ADCY3: variants seen among roughly 807,000 people sequenced by gnomAD.
The protein encoded by ADCY3 is adenylate cyclase type 3.
A neutral mutation model predicts 119.4 loss-of-function variants in ADCY3; 70 were observed. That is an observed-to-expected ratio of 0.59 (90% CI 0.48 to 0.72). ADCY3 has a LOEUF of 0.72. Ranked by LOEUF, ADCY3 falls within the 30% of genes least tolerant of loss-of-function variation. The pLI, the probability that ADCY3 is intolerant of heterozygous loss-of-function variation, is 0.00. For missense variants in ADCY3, 1,238 were observed against 1,541.6 expected (o/e 0.80, Z 3.30); for synonymous variants, 672 against 621.4 (o/e 1.08, Z -1.21).
intron 2 of ADCY3, among the ~76,000 whole-genome samples, chr2:24,880,747 G>C (rs981311949): frequency 2.6e-5 from 4 of 152,154 alleles, no homozygotes; most frequent in African/African-American, 9.7e-5. Context: ...TGGGCATGGT[G>C]GCTCACGCCT....
intron 2 of ADCY3, among the ~76,000 whole-genome samples, chr2:24,911,574 TG>T (rs1663649177): frequency 6.9e-6 from 1 of 145,046 alleles, no homozygotes; most frequent in Admixed American, 7.2e-5. Flanking sequence ...TGCTTGAACC[TG>T]GGAAGCGGAG....
Position 24,853,548 on chromosome 2 carries a change from C to T in ADCY3, c.826-11164G>A, listed in dbSNP as rs530117388. 1.1e-3 allele frequency among the ~76,000 whole-genome samples: 165 copies of T among 148,648 alleles called. 1 individual carries two copies. Among genetic ancestry groups the T allele is most frequent in the Middle Eastern group, 0.011 (3 of 282 alleles). ...GCAATGGTGCGACCTCGGCTCACTG[C>T]AAGCTCCGCCTCCCAGGTTCAAGTG... On this transcript the variant is annotated intron_variant, in intron 3 of 21. Coordinates refer to ENST00000679454, the MANE Select transcript of ADCY3 (RefSeq NM_004036.5).
chr2:24,864,723 T>A (rs1364185280), intron 3 of ADCY3, among the ~76,000 whole-genome samples: 1 of 152,206 alleles, frequency 6.6e-6, no homozygotes, highest in Non-Finnish European at 1.5e-5. Flanking sequence ...GGGCAGTTAT[T>A]GTTTAATGGG....
At chr2:24,848,970 C>T (rs1387496573) in intron 3 of ADCY3, among the ~76,000 whole-genome samples, 1 of 152,148 alleles carries the variant, frequency 6.6e-6, no homozygotes, top group Non-Finnish European at 1.5e-5. Context: ...CCCCCCGCCA[C>T]GTGTGCATTC....
At chr2:24,822,174 G>A (rs992821754) in intron 19 of ADCY3, 14 of 217,992 alleles carry the variant, frequency 6.4e-5, no homozygotes, top group East Asian at 2.1e-4. Context: ...ACAGGCTGCC[G>A]TCAGCCAGAG....
At chr2:24,874,138 A>C (rs779338529) in intron 2 of ADCY3, among the ~76,000 whole-genome samples, 2 of 152,166 alleles carry the variant, frequency 1.3e-5, no homozygotes, top group Non-Finnish European at 2.9e-5. Flanking sequence ...CTGAGGATCA[A>C]CCACCACCAC....
chr2:24,856,810 G>A (rs1673051316), intron 3 of ADCY3, among the ~76,000 whole-genome samples: 1 of 152,228 alleles, frequency 6.6e-6, no homozygotes, highest in African/African-American at 2.4e-5. Flanking sequence ...ACTCCAAAGA[G>A]CTTGGATGGG....
At chr2:24,894,584 T>C (rs1678048118) in intron 2 of ADCY3, among the ~76,000 whole-genome samples, 3 of 152,230 alleles carry the variant, frequency 2.0e-5, no homozygotes, top group Admixed American at 6.5e-5. Flanking sequence ...TGCTTCTATG[T>C]ATGTTCTAAA....
chr2:24,881,671 C>G (rs1267388336), intron 2 of ADCY3, among the ~76,000 whole-genome samples: 1 of 152,218 alleles, frequency 6.6e-6, no homozygotes, highest in Non-Finnish European at 1.5e-5. Flanking sequence ...GTGTGAACAG[C>G]TACAGTGGTA....
chr2:24,831,107 G>C (rs1669434563), intron 12 of ADCY3, among the ~76,000 whole-genome samples: 1 of 152,084 alleles, frequency 6.6e-6, no homozygotes, highest in African/African-American at 2.4e-5. Context: ...GCCAGGGCAG[G>C]AACAGTTTTC....
chr2:24,861,075 A>G (rs1351129213), intron 3 of ADCY3, among the ~76,000 whole-genome samples: 1 of 152,090 alleles, frequency 6.6e-6, no homozygotes, highest in Non-Finnish European at 1.5e-5. Context: ...ACATGGTGAA[A>G]CCCCGTCTGT....
At chr2:24,832,501 T>TGTA in intron 11 of ADCY3, among the ~76,000 whole-genome samples, 1 of 152,286 alleles carries the variant, frequency 6.6e-6, no homozygotes, top group East Asian at 1.9e-4. Context: ...ACCTGTTCTC[T>TGTA]ATACCCTCTG....
At position 24,918,293 on chromosome 2, in the gene ADCY3, G is replaced by C. The variant is rs754729408; in HGVS notation, c.675+20C>G. 3.9e-6 allele frequency: 6 copies of C among 1,531,552 alleles called. No individual in the cohort carries two copies. Among genetic ancestry groups the C allele is most frequent in the Non-Finnish European group, 4.4e-6 (5 of 1,140,718 alleles). The allele number at this position is 1,531,552 out of a possible 1,614,324, so 94.9% of individuals were successfully genotyped here. A position where few individuals can be genotyped will look rare whatever the true frequency, so the allele number is the denominator to read the frequency against. ...AGCTGCAGGAGAGGACGCTGTGGGG[G>C]GACAGTGGGCAGGACTCACCTCCCG... On this transcript the variant is annotated intron_variant, in intron 2 of 21. Coordinates refer to ENST00000679454, the MANE Select transcript of ADCY3 (RefSeq NM_004036.5). This position sits in a 1 kb window ranked among gnomAD's most constrained non-coding sequence, Gnocchi z 5.4.
rs566801426 is a variant in ADCY3 at position 24,831,851 on chromosome 2, A to C, written c.1968-102T>G. 6.6e-4 allele frequency: 295 copies of C among 447,112 alleles called. 1 individual carries two copies. Among genetic ancestry groups the C allele is most frequent in the African/African-American group, 6.0e-3 (264 of 43,814 alleles). 27.7% of individuals were successfully genotyped at this position (447,112 alleles called of 1,614,324 possible). A position where few individuals can be genotyped will look rare whatever the true frequency, so the allele number is the denominator to read the frequency against. Reference sequence around the variant, plus strand: ...CGGGGATGGGGGCAGGGGCCAGGGGACAGCGGACAGGGGGCAGGGGACAGT... The same window carrying C: ...CGGGGATGGGGGCAGGGGCCAGGGGCCAGCGGACAGGGGGCAGGGGACAGT... On this transcript the variant is annotated intron_variant, in intron 11 of 21. Coordinates refer to ENST00000679454, the MANE Select transcript of ADCY3 (RefSeq NM_004036.5).
intron 3 of ADCY3, among the ~76,000 whole-genome samples, chr2:24,865,865 A>G (rs1047988586): frequency 2.6e-5 from 4 of 152,116 alleles, no homozygotes; most frequent in Non-Finnish European, 5.9e-5. Context: ...AGTGAGCCCA[A>G]TGCACTCCAC....
chr2:24,820,805 C>T lies in ADCY3; in HGVS notation c.3171G>A (p.Arg1057=), dbSNP rs759264228. The change falls in exon 21 of 22, where the codon CGG becomes CGA. Residue 1057 remains arginine, a synonymous_variant. Transcript: ENST00000679454. The part of the protein sequence containing the change: ...GGVLAGVIGA[R]KPHYDIWGNT... ...TGCCCCAGATGTCGTAGTGTGGTTT[C>T]CGGGCTCCGATGACCCCAGCCAGAA... 4 of 1,613,982 alleles carry T rather than the reference C, an allele frequency of 2.5e-6. No individual in the cohort carries two copies. The African/African-American group carries it at 5.3e-5, about 22-fold the overall frequency.
chr2:24,820,229 G>A (rs971270900), intron 21 of ADCY3, 115 bp from the exon 22 acceptor site: 22 of 1,212,056 alleles, frequency 1.8e-5, no homozygotes, highest in South Asian at 6.8e-5. Context: ...CAAGCAGTAC[G>A]GGACACTCCC....
At chr2:24,900,358 A>AAAT (rs1553363996) in intron 2 of ADCY3, among the ~76,000 whole-genome samples, 3 of 146,896 alleles carry the variant, frequency 2.0e-5, no homozygotes, top group Non-Finnish European at 1.5e-5. Context: ...AAAAAAAAAA[A>AAAT]TAAATAAAAA....
Position 24,842,453 on chromosome 2 carries a change from G to C in ADCY3, c.826-69C>G, listed in dbSNP as rs1409278246. 1.3e-6 allele frequency: 2 copies of C among 1,593,764 alleles called. No homozygotes were observed. The highest frequency in any genetic ancestry group is 2.7e-5 in the African/African-American group (2 of 74,534). ...TAGAGGCAAGTTCAGATACTTCTGG[G>C]AAGAAATGCCCCGATCCTGGCAAGA... On this transcript the variant is annotated intron_variant, in intron 3 of 21. Coordinates refer to ENST00000679454, the MANE Select transcript of ADCY3 (RefSeq NM_004036.5). This position sits in a 1 kb window ranked among gnomAD's most constrained non-coding sequence, Gnocchi z 4.9.
Sources: allele counts gnomAD v4.1 joint callset (sites outside exome capture counted in the v4.1 genomes callset), GRCh38; gene constraint gnomAD v4.1.1; non-coding constraint Gnocchi (gnomAD v3.1); transcripts MANE v1.5; gene names NCBI Gene and HGNC (gene_info 2026-07-23, HGNC 2026-07-21).